Variants in EPHA7 observed in about 807,000 individuals in gnomAD.
The protein encoded by EPHA7 is EPH receptor A7, also known as ephrin type-A receptor 7.
Under a neutral mutation model 112.6 loss-of-function variants are expected in EPHA7, and 25 were observed. That is an observed-to-expected ratio of 0.22 (90% CI 0.16 to 0.31). The LOEUF is 0.31. EPHA7 is among the 10% of genes least tolerant of loss of function. EPHA7 has a pLI of 1.00. For synonymous variants in EPHA7, 437 were observed against 406.5 expected, an observed-to-expected ratio of 1.07 and a Z score of -0.90; for missense variants, 962 against 1,212.6, an observed-to-expected ratio of 0.79 and a Z score of 3.07.
At chr6:93,280,526 A>G (rs1410066008) in intron 5 of EPHA7, among the ~76,000 whole-genome samples, 1 of 152,166 alleles carries the variant, frequency 6.6e-6, no homozygotes, top group Non-Finnish European at 1.5e-5. Context: ...GTGTCATTCA[A>G]TTATGTTATA....
chr6:93,319,523 C>G (rs1773966061), intron 5 of EPHA7, among the ~76,000 whole-genome samples: 1 of 152,072 alleles, frequency 6.6e-6, no homozygotes, highest in Admixed American at 6.6e-5. Context: ...GGCAGCAGAT[C>G]ACATAAAGCC....
At chr6:93,353,359 T>G (rs1316172630) in intron 5 of EPHA7, among the ~76,000 whole-genome samples, 1 of 152,160 alleles carries the variant, frequency 6.6e-6, no homozygotes, top group Non-Finnish European at 1.5e-5. Flanking sequence ...AATATGAATA[T>G]TAAAATATGC....
Position 93,254,672 on chromosome 6 carries a change from G to C in EPHA7, c.2507C>G (p.Pro836Arg). ...ATCTTGATTTGACATGTCCCAATAA[G>C]GTCTTTCTCCATAAGACATAACTTC... ...MWEVMSYGER[P>R]YWDMSNQDVI... Residue 836 changes from proline to arginine, a missense_variant, in exon 14 of 17, where the codon CCT becomes CGT. Transcript: ENST00000369303. 6.2e-7 allele frequency: 1 copy of C among 1,612,330 alleles called. No individual in the cohort carries two copies. Among genetic ancestry groups the C allele is most frequent in the South Asian group, 1.1e-5 (1 of 90,906 alleles).
chr6:93,263,047 T>C (rs1320539191), intron 9 of EPHA7, among the ~76,000 whole-genome samples: 1 of 151,336 alleles, frequency 6.6e-6, no homozygotes, highest in Admixed American at 6.6e-5. Context: ...AGATTATGGG[T>C]ACTACAAAAT....
At chr6:93,368,802 T>C (rs1210989503) in intron 3 of EPHA7, among the ~76,000 whole-genome samples, 3 of 152,136 alleles carry the variant, frequency 2.0e-5, no homozygotes, top group African/African-American at 7.2e-5. Flanking sequence ...GTTAAAGCAA[T>C]CGTTCTAGCT....
rs571845264 is a variant in EPHA7, at chr6:93,304,859, T to C, written c.1325-32437A>G. ...TCATGGCTCACAGATGGTGTTCTGT[T>C]TGGAAGATTCTTTCCTTAGATATGT... On this transcript the variant is annotated intron_variant, in intron 5 of 16. Transcript: ENST00000369303. 2.6e-5 allele frequency among the ~76,000 whole-genome samples: 4 copies of C among 152,158 alleles called. 1 individual carries two copies. The highest frequency in any genetic ancestry group is 2.6e-4 in the Admixed American group (4 of 15,264).
At chr6:93,247,466 A>G (rs538477358) in intron 14 of EPHA7, among the ~76,000 whole-genome samples, 28 of 152,358 alleles carry the variant, frequency 1.8e-4, no homozygotes, top group African/African-American at 6.7e-4. Context: ...CAAGCACATG[A>G]GTCTTTTAAA....
intron 3 of EPHA7, among the ~76,000 whole-genome samples, chr6:93,393,163 C>A (rs985711922): frequency 6.6e-6 from 1 of 151,824 alleles, no homozygotes; most frequent in African/African-American, 2.4e-5. Flanking sequence ...TAACAAATTA[C>A]AATTCATGTC....
chr6:93,342,841 T>TAGTA (rs1298141649), intron 5 of EPHA7, among the ~76,000 whole-genome samples: 1 of 151,750 alleles, frequency 6.6e-6, no homozygotes, highest in African/African-American at 2.4e-5. Context: ...AATATGGCTT[T>TAGTA]ACATGTTATT....
chr6:93,417,875 G>T (rs1779320775), intron 1 of EPHA7, among the ~76,000 whole-genome samples: 1 of 152,064 alleles, frequency 6.6e-6, no homozygotes. Context: ...GGGTCAGAAG[G>T]TCAGGCTGAA....
At chr6:93,366,083 CTT>C (rs1046833896) in intron 3 of EPHA7, among the ~76,000 whole-genome samples, 1 of 151,966 alleles carries the variant, frequency 6.6e-6, no homozygotes, top group Non-Finnish European at 1.5e-5. Context: ...AGTTATGACT[CTT>C]TATTTCATCA....
In EPHA7 at chr6:93,367,152, A is replaced by G. The variant is rs149441630; in HGVS notation, c.833-8741T>C. On this transcript the variant is annotated intron_variant, in intron 3 of 16. Coordinates refer to ENST00000369303, the MANE Select transcript of EPHA7 (RefSeq NM_004440.4). ...CTTAAAAGTCTGGCTTATTTGTGAC[A>G]CAGCACCATTTTATTCTACTAAAAA... is the stretch of plus-strand genomic sequence containing the variant. Among the ~76,000 whole-genome samples, 860 of 152,266 alleles carry G rather than the reference A, an allele frequency of 5.6e-3. 12 individuals are homozygous for G. The highest frequency in any genetic ancestry group is 0.019 in the African/African-American group (800 of 41,538).
chr6:93,322,900 T>C (rs1266349107), intron 5 of EPHA7, among the ~76,000 whole-genome samples: 1 of 151,588 alleles, frequency 6.6e-6, no homozygotes, highest in Non-Finnish European at 1.5e-5. Context: ...ACTAGCACTA[T>C]GAATGAATAT....
intron 3 of EPHA7, among the ~76,000 whole-genome samples, chr6:93,409,055 T>A (rs1454800951): frequency 2.0e-5 from 3 of 152,082 alleles, no homozygotes; most frequent in East Asian, 3.9e-4. Context: ...TGTTTAATAG[T>A]CATTTTTCAA....
At chr6:93,321,110 T>C (rs2127884013) in intron 5 of EPHA7, among the ~76,000 whole-genome samples, 1 of 152,044 alleles carries the variant, frequency 6.6e-6, no homozygotes, top group Non-Finnish European at 1.5e-5. Flanking sequence ...TATGTCTCTT[T>C]TAAATCAGTA....
intron 5 of EPHA7, among the ~76,000 whole-genome samples, chr6:93,332,758 G>A (rs577131077): frequency 1.9e-4 from 29 of 151,700 alleles, no homozygotes; most frequent in Admixed American, 7.9e-4. Context: ...GATCAACATC[G>A]TGATATGGCA....
chr6:93,274,692 G>A (rs1187305249), intron 5 of EPHA7, among the ~76,000 whole-genome samples: 1 of 151,780 alleles, frequency 6.6e-6, no homozygotes, highest in East Asian at 2.0e-4. Flanking sequence ...GGTCAGAAAC[G>A]GAAGCACTAG....
intron 5 of EPHA7, among the ~76,000 whole-genome samples, chr6:93,326,538 A>G (rs930199440): frequency 1.3e-5 from 2 of 151,548 alleles, no homozygotes; most frequent in Non-Finnish European, 3.0e-5. Context: ...ACTGAAAATT[A>G]TAAGTAGAAG....
At chr6:93,383,566 C>A (rs979393715) in intron 3 of EPHA7, among the ~76,000 whole-genome samples, 2 of 151,776 alleles carry the variant, frequency 1.3e-5, no homozygotes, top group Non-Finnish European at 2.9e-5. Flanking sequence ...AATTACACCA[C>A]CAAAATGTAA....
Sources: gnomAD v4.1 joint callset for allele counts (sites outside exome capture counted in the v4.1 genomes callset) on GRCh38, gnomAD v4.1.1 for gene constraint, MANE v1.5 for transcripts, NCBI Gene and HGNC (gene_info 2026-07-23, HGNC 2026-07-21) for gene names.